EFNA5: variants seen among roughly 807,000 people sequenced by gnomAD.
The protein encoded by EFNA5 is ephrin-A5.
In EFNA5, 5 loss-of-function variants were observed where a neutral mutation model predicts 22.9. That is an observed-to-expected ratio of 0.22 (90% CI 0.11 to 0.46). The LOEUF (loss-of-function observed/expected upper bound fraction) is 0.46, where lower values mean the gene tolerates loss of function less well. Ranked by LOEUF, EFNA5 falls within the 20% of genes least tolerant of loss-of-function variation. The pLI is 0.99. For missense variants in EFNA5, 237 were observed against 293.3 expected (o/e 0.81, Z 1.40); for synonymous variants, 113 against 112.2 (o/e 1.01, Z -0.04).
chr5:107,550,898 A>C (rs1013257513), intron 1 of EFNA5, among the ~76,000 whole-genome samples: 2 of 152,234 alleles, frequency 1.3e-5, no homozygotes, highest in Non-Finnish European at 2.9e-5. Flanking sequence ...ATCAGTTTCT[A>C]TAACTATAAA....
In EFNA5 at chr5:107,378,651, C is replaced by G. The variant is rs1490196732; in HGVS notation, c.*2604G>C. On this transcript the variant is annotated 3_prime_UTR_variant, in exon 5 of 5. Transcript: ENST00000333274. ...CTTACTGTCTACTGGTGTGGACACT[C>G]TTGCTATTTTCTTTATACTTAATTT... 6.6e-6 allele frequency: 1 copy of G among 152,158 alleles called. No homozygotes were observed. The highest frequency in any genetic ancestry group is 2.4e-5 in the African/African-American group (1 of 41,416). 9.4% of individuals were successfully genotyped at this position (152,158 alleles called of 1,614,324 possible).
chr5:107,517,490 G>A (rs772256660), intron 1 of EFNA5, among the ~76,000 whole-genome samples: 65 of 152,254 alleles, frequency 4.3e-4, no homozygotes, highest in Non-Finnish European at 2.8e-4. Context: ...GACCTCATAC[G>A]GTTGTTGTGA....
intron 1 of EFNA5, among the ~76,000 whole-genome samples, chr5:107,465,681 C>A (rs1256976689): frequency 6.6e-6 from 1 of 152,070 alleles, no homozygotes; most frequent in Non-Finnish European, 1.5e-5. Flanking sequence ...TGTAGGGATA[C>A]AATCATGGTG....
rs181287794 is a variant in EFNA5, at chr5:107,537,850, A to C, written c.126-110341T>G. 9.2e-5 allele frequency among the ~76,000 whole-genome samples: 14 copies of C among 152,344 alleles called. No homozygotes were observed. In the East Asian group the frequency reaches 2.5e-3, roughly 27 times the overall value. ...TCAAAAGAATTAAACTATGGTCGTG[A>C]GACCTCAGAGGAGGTTGTAAGCTAG... On this transcript the variant is annotated intron_variant, in intron 1 of 4. Transcript: ENST00000333274.
At chr5:107,475,354 A>G in intron 1 of EFNA5, among the ~76,000 whole-genome samples, 1 of 152,216 alleles carries the variant, frequency 6.6e-6, no homozygotes, top group East Asian at 1.9e-4. Context: ...CTCAGCTAGC[A>G]AAGTGTGAAA....
At chr5:107,590,855 A>G (rs1223339602) in intron 1 of EFNA5, among the ~76,000 whole-genome samples, 3 of 152,168 alleles carry the variant, frequency 2.0e-5, no homozygotes, top group African/African-American at 7.2e-5. Flanking sequence ...AGTCATCTGG[A>G]TAGTTTATGT....
chr5:107,556,790 A>AAATATATAAAAT (rs142616864), intron 1 of EFNA5, among the ~76,000 whole-genome samples: 26,895 of 140,508 alleles, frequency 0.19, 2,994 homozygotes, highest in Middle Eastern at 0.28. Context: ...ATAAATAAAT[A>AAATATATAAAAT]AAATAAAATA....
intron 1 of EFNA5, among the ~76,000 whole-genome samples, chr5:107,586,354 A>AT (rs1384439966): frequency 1.2e-4 from 18 of 152,312 alleles, no homozygotes; most frequent in African/African-American, 4.1e-4. Context: ...ACAAATCTCC[A>AT]TCCCTAACTA....
chr5:107,409,469 A>T (rs1748303798), intron 2 of EFNA5, among the ~76,000 whole-genome samples: 1 of 152,236 alleles, frequency 6.6e-6, no homozygotes. Flanking sequence ...GAAACTACTG[A>T]GTATTGCTAG....
At chr5:107,389,607 C>T (rs556099472) in intron 2 of EFNA5, among the ~76,000 whole-genome samples, 5 of 152,246 alleles carry the variant, frequency 3.3e-5, no homozygotes, top group African/African-American at 7.2e-5. Context: ...ATTGGTTTAG[C>T]GAGGAGCTTC....
At chr5:107,527,077 T>A (rs848828) in intron 1 of EFNA5, among the ~76,000 whole-genome samples, 44,383 of 151,938 alleles carry the variant, frequency 0.29, 6,875 homozygotes, top group Middle Eastern at 0.46. Context: ...TGGGAAAAAA[T>A]ATTTGTGCTT....
chr5:107,568,578 A>G (rs1039099288), intron 1 of EFNA5, among the ~76,000 whole-genome samples: 5 of 152,242 alleles, frequency 3.3e-5, no homozygotes, highest in Non-Finnish European at 5.9e-5. Context: ...TAGAGACACA[A>G]TGACTCCTTC....
intron 1 of EFNA5, among the ~76,000 whole-genome samples, chr5:107,634,362 A>C (rs1750329451): frequency 6.6e-6 from 1 of 152,150 alleles, no homozygotes; most frequent in Non-Finnish European, 1.5e-5. Flanking sequence ...ACAAAAGATT[A>C]GAAAATTAGC....
intron 4 of EFNA5, among the ~76,000 whole-genome samples, chr5:107,382,570 C>T (rs977293665): frequency 9.9e-5 from 15 of 152,020 alleles, no homozygotes; most frequent in African/African-American, 3.4e-4. Context: ...ACAGGGTTTT[C>T]CTTTGCTTCC....
At position 107,443,640 on chromosome 5, in the gene EFNA5, C is replaced by T. The variant is rs565386448; in HGVS notation, c.126-16131G>A. Among the ~76,000 whole-genome samples, 6 of 152,138 alleles carry T rather than the reference C, an allele frequency of 3.9e-5. 1 individual carries two copies. Among genetic ancestry groups the T allele is most frequent in the Middle Eastern group, 3.4e-3 (1 of 294 alleles). On this transcript the variant is annotated intron_variant, in intron 1 of 4. Coordinates refer to ENST00000333274, the MANE Select transcript of EFNA5 (RefSeq NM_001962.3). ...GGTGTAAATGCCACATGTTCTTACT[C>T]ATAAGTGGGAATTGAACAATGAGAA...
At chr5:107,414,872 G>A (rs1237984613) in intron 2 of EFNA5, among the ~76,000 whole-genome samples, 2 of 151,034 alleles carry the variant, frequency 1.3e-5, no homozygotes, top group East Asian at 3.9e-4. Flanking sequence ...GGAACTAAAG[G>A]CAATTAAAAA....
At position 107,591,920 on chromosome 5, in the gene EFNA5, A is replaced by G. The variant is rs1368671277; in HGVS notation, c.125+78569T>C. Among the ~76,000 whole-genome samples the G allele has an allele frequency of 2.1e-3, 27 of 12,728 alleles. 8 individuals carry two copies. Among genetic ancestry groups the G allele is most frequent in the Non-Finnish European group, 1.1e-3 (10 of 9,098 alleles). 8.4% of individuals were successfully genotyped at this position (12,728 alleles called of 152,430 possible). On this transcript the variant is annotated intron_variant, in intron 1 of 4. Transcript: ENST00000333274. ...ATATAATATATAATATAAAAAATAT[A>G]TATATAATATATAATATATATATTA...
intron 1 of EFNA5, among the ~76,000 whole-genome samples, chr5:107,544,675 T>G (rs1038507452): frequency 6.6e-6 from 1 of 152,170 alleles, no homozygotes; most frequent in African/African-American, 2.4e-5. Flanking sequence ...CCCTCCTCAG[T>G]GTTCTTGGGA....
chr5:107,659,586 CA>C (rs1326443733), intron 1 of EFNA5, among the ~76,000 whole-genome samples: 1 of 143,620 alleles, frequency 7.0e-6, no homozygotes, highest in Non-Finnish European at 1.5e-5. Context: ...TAAAAGCCAT[CA>C]AAAGAGAAAA....
Sources: allele counts gnomAD v4.1 joint callset (sites outside exome capture counted in the v4.1 genomes callset), GRCh38; gene constraint gnomAD v4.1.1; transcripts MANE v1.5; gene names NCBI Gene and HGNC (gene_info 2026-07-23, HGNC 2026-07-21).